The following CCDC50 variants were observed in gnomAD, a reference collection of about 807,000 sequenced individuals.
The protein encoded by CCDC50 is coiled-coil domain-containing protein 50.
In CCDC50, 54 loss-of-function variants were observed where a neutral mutation model predicts 70.2. The ratio of observed to expected loss-of-function variants is 0.77; its 90% confidence interval spans 0.62 to 0.96. The LOEUF is 0.96. Ranked by LOEUF, CCDC50 falls within the 50% of genes least tolerant of loss-of-function variation. The pLI is 0.00. For synonymous variants in CCDC50, 216 were observed against 198.8 expected (o/e 1.09, Z -0.73); for missense variants, 558 against 578.7 (o/e 0.96, Z 0.37).
chr3:191,347,921 A>G (rs1386553081), intron 1 of CCDC50, among the ~76,000 whole-genome samples: 1 of 142,134 alleles, frequency 7.0e-6, no homozygotes, highest in Non-Finnish European at 1.6e-5. Context: ...CATCTTTTTC[A>G]CAAGCATTTA....
chr3:191,358,136 G>A lies in CCDC50; in HGVS notation c.239+12G>A. ...CGCTACAAAGACCTGTGAGGATTTG[G>A]GAGGTGGGAGGGGTGATGCAAGACT... On this transcript the variant is annotated intron_variant, in intron 3 of 11. Coordinates refer to ENST00000392455, the MANE Select transcript of CCDC50 (RefSeq NM_178335.3). 1.2e-6 allele frequency: 2 copies of A among 1,613,596 alleles called. No individual in the cohort carries two copies. The highest frequency in any genetic ancestry group is 1.7e-6 in the Non-Finnish European group (2 of 1,179,670).
At chr3:191,368,385 CA>C (rs1333499612) in intron 4 of CCDC50, among the ~76,000 whole-genome samples, 3 of 151,624 alleles carry the variant, frequency 2.0e-5, no homozygotes, top group Non-Finnish European at 2.9e-5. Context: ...GATTACTTAT[CA>C]AAAAAATACG....
intron 1 of CCDC50, among the ~76,000 whole-genome samples, chr3:191,335,860 G>A (rs1186445738): frequency 6.6e-6 from 1 of 151,966 alleles, no homozygotes; most frequent in Non-Finnish European, 1.5e-5. Context: ...TGACAAATGT[G>A]TAGTCTTGGA....
At chr3:191,359,254 A>T (rs1712401934) in intron 3 of CCDC50, among the ~76,000 whole-genome samples, 1 of 152,204 alleles carries the variant, frequency 6.6e-6, no homozygotes, top group East Asian at 1.9e-4. Context: ...GTTTATAGTG[A>T]TGGGGAAAAC....
rs541413193 is a variant in CCDC50 at position 191,375,584 on chromosome 3, A to C, written c.971A>C (p.Asp324Ala). 5 of 1,612,966 alleles carry C rather than the reference A, an allele frequency of 3.1e-6. No homozygotes were observed. The South Asian group carries it at 5.5e-5, about 18-fold the overall frequency. Residue 324 changes from aspartate (D) to alanine (A), a missense_variant, in exon 6 of 12, where the codon GAC (aspartate) becomes GCC (alanine). Physicochemically the swap from Asp to Ala is moderately radical, Grantham distance 126. Transcript: ENST00000392455. The stretch of plus-strand genomic sequence containing the variant: ...AGTGAGGAGCAGCTCCACCTCCATG[A>C]CGCAGGTAATAGAGGACAGTCTCGA... ...SESEEQLHLH[D>A]AGMKPRVMKE...
In CCDC50 at chr3:191,380,835, C is replaced by T; in HGVS notation, c.1145C>T (p.Ala382Val). Residue 382 changes from alanine (A) to valine (V), a missense_variant, in exon 9 of 12, where the codon GCT (alanine) becomes GTT (valine). By Grantham distance (64) the Ala-to-Val change is moderately conservative. Coordinates refer to ENST00000392455, the MANE Select transcript of CCDC50 (RefSeq NM_178335.3). ...TGACTGTATTTTGTTTAGGAAATCGCTCGACTTCTAATGGCTGAAGAAAAG... is the reference window on the plus strand; with the variant it reads ...TGACTGTATTTTGTTTAGGAAATCGTTCGACTTCTAATGGCTGAAGAAAAG... ...AAQVAQDEEI[A>V]RLLMAEEKKA... is the part of the protein sequence containing the mutation. 1 of 1,612,784 alleles carries T rather than the reference C, an allele frequency of 6.2e-7. No individual in the cohort carries two copies. The highest frequency in any genetic ancestry group is 8.5e-7 in the Non-Finnish European group (1 of 1,179,174).
intron 3 of CCDC50, 42 bp from the exon 4 acceptor site, chr3:191,361,027 T>G (rs1712468149): frequency 7.6e-7 from 1 of 1,318,822 alleles, no homozygotes; most frequent in African/African-American, 1.5e-5. Flanking sequence ...AAATACATTA[T>G]TTTTTATTTT....
chr3:191,375,725 C>A, intron 6 of CCDC50, 136 bp downstream of exon 6: 1 of 932,150 alleles, frequency 1.1e-6, no homozygotes, highest in Non-Finnish European at 1.6e-6. Flanking sequence ...CCTAGAGCAA[C>A]ATATTATAAA....
intron 10 of CCDC50, among the ~76,000 whole-genome samples, chr3:191,385,136 G>A (rs976775884): frequency 6.6e-6 from 1 of 152,158 alleles, no homozygotes; most frequent in Admixed American, 6.5e-5. Context: ...GAGTTCATGT[G>A]TCTTTTTGAT....
chr3:191,375,412 A>G lies in CCDC50; in HGVS notation c.799A>G (p.Lys267Glu), dbSNP rs1210873389. 1 of 1,613,728 alleles carries G rather than the reference A, an allele frequency of 6.2e-7. No individual in the cohort carries two copies. The highest frequency in any genetic ancestry group is 1.3e-5 in the African/African-American group (1 of 74,900). ...KINHQTRNWE[K>E]QSRHQDRLSP... ...TAACCATCAGACTCGAAATTGGGAAAAACAGTCTCGACACCAAGATCGACT... is the reference window on the plus strand; with the variant it reads ...TAACCATCAGACTCGAAATTGGGAAGAACAGTCTCGACACCAAGATCGACT... The change falls in exon 6 of 12, where the codon AAA becomes GAA. Residue 267 changes from lysine (K) to glutamate (E), a missense_variant. Lys to Glu is a moderately conservative substitution (Grantham distance 56). Transcript: ENST00000392455.
At chr3:191,347,403 C>G (rs116017366) in intron 1 of CCDC50, among the ~76,000 whole-genome samples, 2,246 of 134,544 alleles carry the variant, frequency 0.017, 294 homozygotes, top group African/African-American at 0.056. Context: ...CAAATTCCTG[C>G]TAGCACCTCA....
At chr3:191,333,608 G>C (rs527633594) in intron 1 of CCDC50, among the ~76,000 whole-genome samples, 1 of 152,128 alleles carries the variant, frequency 6.6e-6, no homozygotes, top group East Asian at 1.9e-4. Context: ...TTATGTCTTA[G>C]TTATCTTGCT....
At chr3:191,368,802 G>A (rs1218560906) in intron 4 of CCDC50, among the ~76,000 whole-genome samples, 1 of 151,974 alleles carries the variant, frequency 6.6e-6, no homozygotes, top group Non-Finnish European at 1.5e-5. Context: ...ATTTGTATGA[G>A]CCTTTAAGAA....
At chr3:191,388,595 G>A (rs908011348) in intron 10 of CCDC50, among the ~76,000 whole-genome samples, 2 of 152,096 alleles carry the variant, frequency 1.3e-5, no homozygotes, top group African/African-American at 2.4e-5. Flanking sequence ...ATTGCATGGC[G>A]ACAAGATAAA....
At position 191,357,118 on chromosome 3, in the gene CCDC50, A is replaced by G. The variant is rs1361048139; in HGVS notation, c.80A>G (p.His27Arg). ...VCRDFAVLED[H>R]TLAHSLQEQE... The stretch of plus-strand genomic sequence containing the variant: ...CGAGATTTTGCTGTCCTGGAGGACC[A>G]CACCCTGGCTCACAGCCTGCAGGAA... The change falls in exon 2 of 12, where the codon CAC (histidine) becomes CGC (arginine). Residue 27 changes from histidine to arginine, a missense_variant. Physicochemically the swap from His to Arg is conservative, Grantham distance 29. Transcript: ENST00000392455. The G allele has an allele frequency of 6.2e-7, 1 of 1,613,684 alleles. No individual in the cohort carries two copies. Among genetic ancestry groups the G allele is most frequent in the Non-Finnish European group, 8.5e-7 (1 of 1,179,704 alleles).
chr3:191,355,427 A>G (rs937789971), intron 1 of CCDC50, among the ~76,000 whole-genome samples: 3 of 152,090 alleles, frequency 2.0e-5, no homozygotes, highest in Non-Finnish European at 2.9e-5. Flanking sequence ...TTAATGTAGA[A>G]TATTTTCTTT....
At chr3:191,354,994 T>C (rs1158426626) in intron 1 of CCDC50, among the ~76,000 whole-genome samples, 2 of 152,224 alleles carry the variant, frequency 1.3e-5, no homozygotes, top group Non-Finnish European at 2.9e-5. Flanking sequence ...TGAATATTTT[T>C]TATTTGTGGT....
At chr3:191,377,001 G>A (rs1028496654) in intron 6 of CCDC50, among the ~76,000 whole-genome samples, 1 of 152,118 alleles carries the variant, frequency 6.6e-6, no homozygotes, top group African/African-American at 2.4e-5. Context: ...TAAATAGGCT[G>A]AGGAAGCATG....
chr3:191,364,289 G>A (rs1286125627), intron 4 of CCDC50, among the ~76,000 whole-genome samples: 1 of 151,782 alleles, frequency 6.6e-6, no homozygotes, highest in Non-Finnish European at 1.5e-5. Context: ...GGATGGTATT[G>A]ATCTCCTGAC....
Sources: allele counts gnomAD v4.1 joint callset (sites outside exome capture counted in the v4.1 genomes callset), GRCh38; gene constraint gnomAD v4.1.1; transcripts MANE v1.5; gene names NCBI Gene and HGNC (gene_info 2026-07-23, HGNC 2026-07-21).